LMO7: variants seen among roughly 807,000 people sequenced by gnomAD.
LMO7 encodes the protein LIM domain 7.
A neutral mutation model predicts 206.5 loss-of-function variants in LMO7; 120 were observed. The observed-to-expected ratio is 0.58, with a 90% CI of 0.50 to 0.68. The LOEUF is 0.68. Among genes scored for constraint, LMO7 ranks in the 30% least tolerant of loss-of-function variants. LMO7 has a pLI of 0.00. For synonymous variants in LMO7, 706 were observed against 681.5 expected (o/e 1.04, Z -0.56); for missense variants, 1,959 against 1,957.9 (o/e 1.00, Z -0.01).
At chr13:75,694,635 T>C (rs1437032970) in intron 1 of LMO7, among the ~76,000 whole-genome samples, 1 of 152,092 alleles carries the variant, frequency 6.6e-6, no homozygotes, top group African/African-American at 2.4e-5. Context: ...TTCATTCTGA[T>C]GTTGAGTCTG....
intron 1 of LMO7, among the ~76,000 whole-genome samples, chr13:75,648,511 G>T (rs1235052820): frequency 6.6e-6 from 1 of 152,084 alleles, no homozygotes; most frequent in Admixed American, 6.5e-5. Context: ...CCTGCCTGTT[G>T]TTTGGCATGT....
chr13:75,805,838 T>C, intron 9 of LMO7, 78 bp downstream of exon 9: 3 of 1,406,690 alleles, frequency 2.1e-6, no homozygotes, highest in Admixed American at 4.1e-5. Context: ...ATGTTTTTTA[T>C]AATAATAAGA....
At chr13:75,738,297 A>G (rs1330141664) in intron 3 of LMO7, among the ~76,000 whole-genome samples, 4 of 152,194 alleles carry the variant, frequency 2.6e-5, no homozygotes, top group Non-Finnish European at 5.9e-5. Flanking sequence ...TACCATGTGT[A>G]TTTAGCTTCG....
At chr13:75,714,840 G>A (rs1403810713) in intron 2 of LMO7, among the ~76,000 whole-genome samples, 1 of 151,898 alleles carries the variant, frequency 6.6e-6, no homozygotes, top group Non-Finnish European at 1.5e-5. Flanking sequence ...CTATTAGAAA[G>A]AGGCATGTGA....
At chr13:75,785,417 T>C (rs1254204618) in intron 4 of LMO7, among the ~76,000 whole-genome samples, 4 of 152,070 alleles carry the variant, frequency 2.6e-5, no homozygotes, top group Non-Finnish European at 4.4e-5. Context: ...TTAAAGGAGA[T>C]AATGTACAAT....
chr13:75,661,468 G>A (rs527927848), intron 1 of LMO7, among the ~76,000 whole-genome samples: 1 of 152,180 alleles, frequency 6.6e-6, no homozygotes, highest in Non-Finnish European at 1.5e-5. Context: ...TGCTTCAGGG[G>A]GTTCAGAGGA....
chr13:75,741,699 C>T (rs534524853), intron 3 of LMO7, among the ~76,000 whole-genome samples: 1 of 152,276 alleles, frequency 6.6e-6, no homozygotes, highest in Admixed American at 6.5e-5. Context: ...TGTTAAAACT[C>T]TCAATAAACT....
intron 4 of LMO7, among the ~76,000 whole-genome samples, chr13:75,790,551 T>C (rs77682781): frequency 3.3e-5 from 5 of 152,226 alleles, no homozygotes; most frequent in African/African-American, 1.2e-4. Flanking sequence ...TAGACTTTTT[T>C]ACCCACTGGT....
chr13:75,715,127 G>A (rs1359683739), intron 2 of LMO7, among the ~76,000 whole-genome samples: 1 of 152,154 alleles, frequency 6.6e-6, no homozygotes, highest in East Asian at 1.9e-4. Flanking sequence ...CCCATAAATA[G>A]ATCATTAAAC....
intron 1 of LMO7, among the ~76,000 whole-genome samples, chr13:75,705,071 C>CA: frequency 6.6e-6 from 1 of 152,126 alleles, no homozygotes; most frequent in Non-Finnish European, 1.5e-5. Context: ...GGTGTTGGTG[C>CA]GGAATATGCC....
chr13:75,833,021 G>A (rs772856981), intron 15 of LMO7, 30 bp from the exon 16 acceptor site: 14 of 1,287,234 alleles, frequency 1.1e-5, no homozygotes, highest in Middle Eastern at 1.8e-4. Flanking sequence ...CAGGGACACC[G>A]GATACCAGCG....
intron 3 of LMO7, among the ~76,000 whole-genome samples, chr13:75,747,409 G>A (rs572318478): frequency 7.4e-4 from 113 of 152,288 alleles, no homozygotes; most frequent in Non-Finnish European, 1.2e-3. Context: ...TCAGCTGATG[G>A]CCTAATACGG....
At chr13:75,842,750 TA>T in intron 24 of LMO7, 100 bp from the exon 25 acceptor site, 1 of 717,010 alleles carries the variant, frequency 1.4e-6, no homozygotes. Flanking sequence ...ACCATTTGCA[TA>T]AAGAGGCTAG....
chr13:75,823,931 G>T, intron 15 of LMO7, 58 bp downstream of exon 15: 1 of 1,403,822 alleles, frequency 7.1e-7, no homozygotes, highest in South Asian at 1.2e-5. Context: ...ATTTAAATCT[G>T]GAAACCATGT....
intron 1 of LMO7, among the ~76,000 whole-genome samples, chr13:75,661,688 A>G (rs1334660742): frequency 6.6e-6 from 1 of 152,194 alleles, no homozygotes; most frequent in Admixed American, 6.5e-5. Context: ...CCCCTGCGCC[A>G]GTACTGTGAC....
chr13:75,655,966 A>T (rs973702727), intron 1 of LMO7, among the ~76,000 whole-genome samples: 7 of 152,104 alleles, frequency 4.6e-5, no homozygotes, highest in Non-Finnish European at 1.0e-4. Flanking sequence ...ATCTGCAGCA[A>T]GTCCTTGTCC....
chr13:75,824,693 G>A (rs2057939611), intron 15 of LMO7, among the ~76,000 whole-genome samples: 1 of 152,074 alleles, frequency 6.6e-6, no homozygotes, highest in Non-Finnish European at 1.5e-5. Flanking sequence ...CCTTAGCATG[G>A]AAGAGCTTTT....
At chr13:75,623,316 T>G in exon 2 of LMO7, 1 of 1,411,044 alleles carries the variant, frequency 7.1e-7, no homozygotes, top group South Asian at 1.2e-5. Flanking sequence ...ACTATTCTCA[T>G]TAAGGTAATA....
intron 6 of LMO7, among the ~76,000 whole-genome samples, chr13:75,798,845 T>C (rs1193197867): frequency 6.6e-6 from 1 of 152,240 alleles, no homozygotes; most frequent in African/African-American, 2.4e-5. Flanking sequence ...GGCCAAAGGT[T>C]ATTTTATAAC....
Sources: gnomAD v4.1 joint callset for allele counts (sites outside exome capture counted in the v4.1 genomes callset) on GRCh38, gnomAD v4.1.1 for gene constraint, MANE v1.5 for transcripts, NCBI Gene and HGNC (gene_info 2026-07-23, HGNC 2026-07-21) for gene names.